Variants in KAZN observed in about 807,000 individuals in gnomAD.
KAZN encodes kazrin.
KAZN carries 40 observed loss-of-function variants against 87.4 expected under a neutral mutation model. That is an observed-to-expected ratio of 0.46 (90% CI 0.36 to 0.60). The LOEUF (loss-of-function observed/expected upper bound fraction) is 0.60, where lower values mean the gene tolerates loss of function less well. KAZN is among the 20% of genes least tolerant of loss of function. The probability of loss-of-function intolerance (pLI) is 0.00; values close to 1 mark genes in which losing one functional copy is unlikely to be tolerated. For missense variants in KAZN, 898 were observed against 1,073.9 expected (o/e 0.84, Z 2.29); for synonymous variants, 466 against 458.3 (o/e 1.02, Z -0.22).
intron 2 of KAZN, among the ~76,000 whole-genome samples, chr1:14,477,799 G>T (rs894484336): frequency 7.9e-5 from 12 of 152,216 alleles, no homozygotes; most frequent in African/African-American, 2.9e-4. Flanking sequence ...ACGTCCAGAG[G>T]AGCTGACTCT....
intron 2 of KAZN, among the ~76,000 whole-genome samples, chr1:14,528,334 T>C (rs1339572749): frequency 4.0e-5 from 2 of 49,668 alleles, no homozygotes; most frequent in African/African-American, 9.0e-5. Context: ...CAAGACTCCA[T>C]CTCAAAAAAA....
intron 2 of KAZN, among the ~76,000 whole-genome samples, chr1:14,467,237 T>C (rs972555873): frequency 1.3e-5 from 2 of 152,072 alleles, no homozygotes; most frequent in Non-Finnish European, 2.9e-5. Context: ...ACTGTTAAAA[T>C]TAATTTAGCA....
chr1:14,579,574 G>A (rs1318256531), intron 2 of KAZN, among the ~76,000 whole-genome samples: 2 of 150,906 alleles, frequency 1.3e-5, no homozygotes, highest in Non-Finnish European at 2.9e-5. Context: ...GCGGTGAGCC[G>A]AGATCGCACC....
chr1:13,935,312 C>G (rs998672036), intron 1 of KAZN, among the ~76,000 whole-genome samples: 8 of 142,504 alleles, frequency 5.6e-5, no homozygotes, highest in Non-Finnish European at 9.2e-5. Flanking sequence ...ATTCTGTTAT[C>G]CAATCTTTCC....
At chr1:14,212,208 A>G (rs1312126374) in intron 2 of KAZN, among the ~76,000 whole-genome samples, 2 of 152,140 alleles carry the variant, frequency 1.3e-5, no homozygotes, top group East Asian at 1.9e-4. Context: ...GGTTGGCATC[A>G]TCCCCTGCTA....
chr1:14,848,696 G>T (rs188225635), intron 1 of KAZN, among the ~76,000 whole-genome samples: 17 of 152,258 alleles, frequency 1.1e-4, no homozygotes, highest in African/African-American at 3.9e-4. Context: ...TTAGGCAGCT[G>T]CCCGCTCTCC....
chr1:14,594,822 G>T (rs1011478105), upstream of KAZN, among the ~76,000 whole-genome samples: 1 of 152,156 alleles, frequency 6.6e-6, no homozygotes. Flanking sequence ...CTTGCAGGAG[G>T]GGGTTAGGCC....
chr1:14,635,546 G>A (rs12083446), intron 1 of KAZN, among the ~76,000 whole-genome samples: 24 of 152,128 alleles, frequency 1.6e-4, no homozygotes, highest in African/African-American at 3.1e-4. Flanking sequence ...GTACTAACGC[G>A]ATTACGATGA....
At position 14,056,060 on chromosome 1, in the gene KAZN, C is replaced by A. The variant is rs1192001285; in HGVS notation, c.92-124375C>A. Among the ~76,000 whole-genome samples the A allele has an allele frequency of 2.0e-5, 3 of 152,168 alleles. No homozygotes were observed. In the East Asian group the frequency reaches 5.8e-4, roughly 29 times the overall value. On this transcript the variant is annotated intron_variant, in intron 1 of 16. Transcript: ENST00000636203. ...CTGTGACTCATAATCTACCTCCTCC[C>A]TGGCTTCAAGATCCAGTTTTCCCAA...
intron 2 of KAZN, among the ~76,000 whole-genome samples, chr1:14,355,447 T>G (rs1433914952): frequency 6.6e-6 from 1 of 151,436 alleles, no homozygotes; most frequent in East Asian, 1.9e-4. Flanking sequence ...TATATTATAC[T>G]TTAAGTTCTG....
chr1:14,820,921 C>T lies in KAZN; in HGVS notation c.227-139763C>T, dbSNP rs903206409. ...GTGAATAAGGGCTCAGACGACATGA[C>T]GGCACCGGGGATGGCAAGGGCTGGA... is the stretch of plus-strand genomic sequence containing the variant. On this transcript the variant is annotated intron_variant, in intron 1 of 14. Transcript: ENST00000376030. The surrounding 1 kb of genome is among the most constrained non-coding windows in gnomAD (Gnocchi z 4.1). 2.6e-5 allele frequency among the ~76,000 whole-genome samples: 4 copies of T among 152,140 alleles called. No individual in the cohort carries two copies. The East Asian group carries it at 5.8e-4, about 22-fold the overall frequency.
chr1:14,106,488 A>T (rs1275102398), intron 1 of KAZN, among the ~76,000 whole-genome samples: 1 of 152,164 alleles, frequency 6.6e-6, no homozygotes, highest in East Asian at 1.9e-4. Context: ...CCTGCCTTAG[A>T]GGGCTGTATC....
intron 2 of KAZN, among the ~76,000 whole-genome samples, chr1:14,294,863 T>G (rs1204669014): frequency 6.6e-6 from 1 of 151,480 alleles, no homozygotes; most frequent in East Asian, 2.0e-4. Flanking sequence ...TAGAGAGCCC[T>G]CAGGAATCAT....
chr1:14,028,074 T>C (rs940496459), intron 1 of KAZN, among the ~76,000 whole-genome samples: 1 of 152,226 alleles, frequency 6.6e-6, no homozygotes, highest in Non-Finnish European at 1.5e-5. Flanking sequence ...CCAAGCTTAG[T>C]GTGAGCCTTG....
chr1:14,969,687 C>T (rs1664812557), intron 2 of KAZN, among the ~76,000 whole-genome samples: 1 of 152,246 alleles, frequency 6.6e-6, no homozygotes, highest in African/African-American at 2.4e-5. Context: ...TGCCCAGGCT[C>T]TGTTGTTGTT....
intron 1 of KAZN, among the ~76,000 whole-genome samples, chr1:14,107,882 G>A (rs1443556119): frequency 6.6e-6 from 1 of 152,056 alleles, no homozygotes; most frequent in Non-Finnish European, 1.5e-5. Context: ...AACCTACCTG[G>A]CCCACCTTGT....
chr1:14,822,338 G>A (rs1646757773), intron 1 of KAZN, among the ~76,000 whole-genome samples: 1 of 150,380 alleles, frequency 6.6e-6, no homozygotes, highest in African/African-American at 2.5e-5. Flanking sequence ...TATGAAATCA[G>A]GGAGACAAAA....
intron 1 of KAZN, among the ~76,000 whole-genome samples, chr1:14,696,640 C>T (rs1641617171): frequency 6.6e-6 from 1 of 152,206 alleles, no homozygotes; most frequent in Non-Finnish European, 1.5e-5. Flanking sequence ...GGTTCTCCAA[C>T]TTAAGCATGC....
At chr1:14,160,234 C>G (rs150870474) in intron 1 of KAZN, among the ~76,000 whole-genome samples, 186 of 152,278 alleles carry the variant, frequency 1.2e-3, no homozygotes, top group African/African-American at 4.3e-3. Flanking sequence ...TTCAGGAACT[C>G]AAGTTCAGAC....
Sources: gnomAD v4.1 joint callset for allele counts (sites outside exome capture counted in the v4.1 genomes callset) on GRCh38, gnomAD v4.1.1 for gene constraint, Gnocchi (gnomAD v3.1) non-coding constraint, MANE v1.5 for transcripts, NCBI Gene and HGNC (gene_info 2026-07-23, HGNC 2026-07-21) for gene names.